MSRB3: variants seen among roughly 807,000 people sequenced by gnomAD.
MSRB3 encodes methionine sulfoxide reductase B3, also known as methionine-R-sulfoxide reductase B3.
In MSRB3, 13 loss-of-function variants were observed where a neutral mutation model predicts 21.0. That is an observed-to-expected ratio of 0.62 (90% CI 0.40 to 0.98). The LOEUF (loss-of-function observed/expected upper bound fraction) is 0.98, where lower values mean the gene tolerates loss of function less well. Ranked by LOEUF, MSRB3 falls within the 50% of genes least tolerant of loss-of-function variation. The pLI is 0.00. For missense variants in MSRB3, 199 were observed against 230.3 expected, an observed-to-expected ratio of 0.86 and a Z score of 0.88; for synonymous variants, 87 against 88.6, an observed-to-expected ratio of 0.98 and a Z score of 0.10.
chr12:65,383,134 A>G (rs1039662428), intron 5 of MSRB3, among the ~76,000 whole-genome samples: 1 of 152,184 alleles, frequency 6.6e-6, no homozygotes, highest in Non-Finnish European at 1.5e-5. Flanking sequence ...AAATGTACAA[A>G]TCAAAAAGGA....
chr12:65,315,847 T>G (rs540875111), intron 2 of MSRB3, among the ~76,000 whole-genome samples: 248 of 152,276 alleles, frequency 1.6e-3, no homozygotes, highest in African/African-American at 5.6e-3. Flanking sequence ...AAGGAAGGAA[T>G]GGAATGTTAA....
chr12:65,313,243 G>A (rs1480362823), intron 2 of MSRB3, among the ~76,000 whole-genome samples: 1 of 152,066 alleles, frequency 6.6e-6, no homozygotes, highest in African/African-American at 2.4e-5. Context: ...CATTTGTAAA[G>A]AGGAAATACT....
chr12:65,439,520 A>G (rs1882274981), intron 5 of MSRB3, among the ~76,000 whole-genome samples: 1 of 151,710 alleles, frequency 6.6e-6, no homozygotes, highest in African/African-American at 2.4e-5. Context: ...ATGATATATC[A>G]TGTATGTGGC....
chr12:65,342,805 C>T (rs567169435), intron 4 of MSRB3, among the ~76,000 whole-genome samples: 9 of 151,942 alleles, frequency 5.9e-5, no homozygotes, highest in African/African-American at 1.9e-4. Context: ...ATTTAATTAT[C>T]TGGAAAGAGA....
intron 4 of MSRB3, among the ~76,000 whole-genome samples, chr12:65,349,310 G>T (rs867929172): frequency 3.3e-5 from 5 of 151,624 alleles, no homozygotes; most frequent in Admixed American, 2.6e-4. Context: ...GTCTATCATT[G>T]TTGGACATTT....
chr12:65,377,601 A>G (rs1188422748), intron 5 of MSRB3, among the ~76,000 whole-genome samples: 5 of 152,228 alleles, frequency 3.3e-5, no homozygotes, highest in African/African-American at 1.2e-4. Flanking sequence ...CGCCTGGTCT[A>G]TAGTCTTGAT....
intron 2 of MSRB3, among the ~76,000 whole-genome samples, chr12:65,326,373 G>A (rs1875028301): frequency 6.6e-6 from 1 of 152,102 alleles, no homozygotes; most frequent in East Asian, 1.9e-4. Context: ...AATGGAAATG[G>A]AATTTTGATG....
At chr12:65,422,428 ATATTTATTTATT>A (rs1555212226) in intron 5 of MSRB3, among the ~76,000 whole-genome samples, 8 of 73,404 alleles carry the variant, frequency 1.1e-4, no homozygotes, top group Admixed American at 4.8e-4. Flanking sequence ...ATATATATAT[ATATTTATTTATT>A]TATTTATGGG....
In MSRB3 at chr12:65,368,983, T is replaced by C. The variant is rs370731976; in HGVS notation, c.264-15T>C. On this transcript the variant is annotated splice_polypyrimidine_tract_variant and intron_variant, in intron 4 of 6. Transcript: ENST00000308259. ...AACAGTTTTTATATTGTAAAAACTT[T>C]CTTTCTCTTTGCAGGTCAGAAACCA... The C allele has an allele frequency of 2.1e-6, 3 of 1,417,798 alleles. No individual in the cohort carries two copies. The highest frequency in any genetic ancestry group is 1.5e-5 in the African/African-American group (1 of 68,504). 87.8% of individuals were successfully genotyped at this position (1,417,798 alleles called of 1,614,324 possible). A position where few individuals can be genotyped will look rare whatever the true frequency, so the allele number is the denominator to read the frequency against.
chr12:65,312,555 C>T (rs1334579865), intron 2 of MSRB3, among the ~76,000 whole-genome samples: 1 of 151,798 alleles, frequency 6.6e-6, no homozygotes, highest in African/African-American at 2.4e-5. Flanking sequence ...TTTTTTTCTA[C>T]CCTCATACAT....
At chr12:65,349,411 T>G (rs1003076241) in intron 4 of MSRB3, among the ~76,000 whole-genome samples, 4 of 151,972 alleles carry the variant, frequency 2.6e-5, no homozygotes, top group African/African-American at 9.7e-5. Context: ...TATAGTCCTT[T>G]GGGTATATAC....
chr12:65,319,371 G>A (rs1299341542), intron 2 of MSRB3, among the ~76,000 whole-genome samples: 1 of 152,048 alleles, frequency 6.6e-6, no homozygotes, highest in Admixed American at 6.6e-5. Context: ...ATGTCTAGAT[G>A]TAGTTTTCTG....
chr12:65,445,649 A>ATTTT (rs11388948), intron 5 of MSRB3, among the ~76,000 whole-genome samples: 1 of 140,680 alleles, frequency 7.1e-6, no homozygotes, highest in Non-Finnish European at 1.5e-5. Context: ...CATATATATA[A>ATTTT]TTTTTTTTTT....
In MSRB3 at chr12:65,354,237, G is replaced by A. The variant is rs542396251; in HGVS notation, c.264-14761G>A. Among the ~76,000 whole-genome samples, 254 of 151,946 alleles carry A rather than the reference G, an allele frequency of 1.7e-3. 1 individual carries two copies. Among genetic ancestry groups the A allele is most frequent in the African/African-American group, 5.7e-3 (238 of 41,444 alleles). On this transcript the variant is annotated intron_variant, in intron 4 of 6. Coordinates refer to ENST00000308259, the MANE Select transcript of MSRB3 (RefSeq NM_001031679.3). Reference sequence around the variant, plus strand: ...GCTCTTCTCGAAGAGTATCTTTGTGGCATTCTCTGTATTTCCTGAATCTGA... The same window carrying A: ...GCTCTTCTCGAAGAGTATCTTTGTGACATTCTCTGTATTTCCTGAATCTGA...
chr12:65,379,433 A>G (rs1048992490), intron 5 of MSRB3, among the ~76,000 whole-genome samples: 30 of 152,194 alleles, frequency 2.0e-4, no homozygotes, highest in African/African-American at 6.8e-4. Context: ...TCATGTCAGT[A>G]TACTTAAATT....
chr12:65,425,550 CTT>C lies in MSRB3; in HGVS notation c.293-28177_293-28176del, dbSNP rs1378153072. ...TTTTTGTTTTATGACTACTATGAGA[CTT>C]ATATAAAACATATTATAGTCATAAT... On this transcript the variant is annotated intron_variant, in intron 5 of 6. Transcript: ENST00000308259. Among the ~76,000 whole-genome samples, 13 of 151,914 alleles carry C rather than the reference CTT, an allele frequency of 8.6e-5. No individual in the cohort carries two copies. The South Asian group carries it at 1.2e-3, about 15-fold the overall frequency.
At chr12:65,333,023 G>T (rs1221208591) in intron 4 of MSRB3, among the ~76,000 whole-genome samples, 1 of 152,152 alleles carries the variant, frequency 6.6e-6, no homozygotes, top group African/African-American at 2.4e-5. Context: ...ACAGAAGTAA[G>T]AATGTTTTCT....
intron 5 of MSRB3, among the ~76,000 whole-genome samples, chr12:65,382,978 A>G (rs574401040): frequency 1.3e-5 from 2 of 152,162 alleles, no homozygotes; most frequent in African/African-American, 4.8e-5. Context: ...TTTTTCCAAA[A>G]GTTTTCTTTG....
rs1272043644 is a variant in MSRB3, at chr12:65,465,759, T to C, written c.*2437T>C. 2 of 152,164 alleles carry C rather than the reference T, an allele frequency of 1.3e-5. No homozygotes were observed. The highest frequency in any genetic ancestry group is 2.4e-5 in the African/African-American group (1 of 41,428). The allele number at this position is 152,164 out of a possible 1,614,324, so 9.4% of individuals were successfully genotyped here. A position where few individuals can be genotyped will look rare whatever the true frequency, so the allele number is the denominator to read the frequency against. On this transcript the variant is annotated 3_prime_UTR_variant, in exon 7 of 7. Transcript: ENST00000308259. ...GCTTCACGTCTCTCTAGAAATGACG[T>C]GTAAAATTTAAGACCAGACCTCAGC...
Sources: gnomAD v4.1 joint callset for allele counts (sites outside exome capture counted in the v4.1 genomes callset) on GRCh38, gnomAD v4.1.1 for gene constraint, MANE v1.5 for transcripts, NCBI Gene and HGNC (gene_info 2026-07-23, HGNC 2026-07-21) for gene names.